PKHD1: variants seen among roughly 807,000 people sequenced by gnomAD.
The protein encoded by PKHD1 is PKHD1 ciliary IPT domain containing fibrocystin/polyductin.
PKHD1 carries 291 observed loss-of-function variants against 412.0 expected under a neutral mutation model. The observed-to-expected ratio is 0.71, with a 90% CI of 0.64 to 0.78. The LOEUF (loss-of-function observed/expected upper bound fraction) is 0.78. Ranked by LOEUF, PKHD1 falls within the 30% of genes least tolerant of loss-of-function variation. The pLI is 0.00. For synonymous variants in PKHD1, 1,777 were observed against 1,821.5 expected (o/e 0.98, Z 0.62); for missense variants, 4,825 against 4,950.7 (o/e 0.97, Z 0.76).
chr6:51,760,024 A>C (rs986225876), intron 55 of PKHD1, among the ~76,000 whole-genome samples: 41 of 152,128 alleles, frequency 2.7e-4, no homozygotes, highest in Admixed American at 3.9e-4. Flanking sequence ...TATGAAAAAA[A>C]ATCATCATCT....
chr6:51,951,207 A>C (rs1211631658), intron 36 of PKHD1, among the ~76,000 whole-genome samples: 2 of 152,296 alleles, frequency 1.3e-5, no homozygotes, highest in East Asian at 3.9e-4. Flanking sequence ...CTAGAAAACC[A>C]TGACTTATTT....
intron 25 of PKHD1, among the ~76,000 whole-genome samples, chr6:52,044,457 T>C (rs1805457186): frequency 6.6e-6 from 1 of 152,194 alleles, no homozygotes; most frequent in African/African-American, 2.4e-5. Flanking sequence ...ATTTTTTCCA[T>C]AAAGACAAAA....
In PKHD1 at chr6:52,058,595, C is replaced by T. The variant is rs1458077668; in HGVS notation, c.1240G>A (p.Val414Met). The change falls in exon 16 of 67, where the codon GTG becomes ATG. Residue 414 changes from valine to methionine, a missense_variant. Transcript: ENST00000371117. ...WSEEPRTKVK[V>M]ASISVGTADW... ...GCAGTGCCGACGCTGATGGAGGCCACTTTCACCTATGCCCAAATAAGCATA... is the reference window on the plus strand; with the variant it reads ...GCAGTGCCGACGCTGATGGAGGCCATTTTCACCTATGCCCAAATAAGCATA... 3.1e-6 allele frequency: 5 copies of T among 1,614,006 alleles called. No individual in the cohort carries two copies. The Admixed American group carries it at 8.3e-5, about 27-fold the overall frequency.
chr6:51,814,988 G>T, intron 52 of PKHD1, among the ~76,000 whole-genome samples: 1 of 152,112 alleles, frequency 6.6e-6, no homozygotes, highest in East Asian at 1.9e-4. Flanking sequence ...CAGACCACCA[G>T]GTCTTCCAGA....
chr6:51,685,264 G>A (rs1465711983), intron 60 of PKHD1, among the ~76,000 whole-genome samples: 5 of 151,788 alleles, frequency 3.3e-5, no homozygotes, highest in South Asian at 2.1e-4. Flanking sequence ...CTTCAACCTC[G>A]TTATTCTTAT....
At chr6:51,834,425 G>A (rs534633397) in intron 51 of PKHD1, among the ~76,000 whole-genome samples, 2 of 152,032 alleles carry the variant, frequency 1.3e-5, no homozygotes, top group South Asian at 2.1e-4. Context: ...CACTTAGTAC[G>A]GGTACATATT....
rs548987704 is a variant in PKHD1, at chr6:51,846,750, G to A, written c.8107+1025C>T. On this transcript the variant is annotated intron_variant, in intron 50 of 66. Coordinates refer to ENST00000371117, the MANE Select transcript of PKHD1 (RefSeq NM_138694.4). ...ACTTCAACCTCATGTTAATCTTGAC[G>A]TAAAACAGACACAGCCCACCCCTAG... Among the ~76,000 whole-genome samples, 5 of 152,180 alleles carry A rather than the reference G, an allele frequency of 3.3e-5. No individual in the cohort carries two copies. In the South Asian group the frequency reaches 6.2e-4, roughly 19 times the overall value.
chr6:51,782,501 G>T (rs1050848781), intron 53 of PKHD1, among the ~76,000 whole-genome samples: 6 of 152,110 alleles, frequency 3.9e-5, no homozygotes, highest in African/African-American at 1.4e-4. Flanking sequence ...GTTAAATGGA[G>T]CAAATGGTTA....
intron 60 of PKHD1, chr6:51,721,997 T>G: frequency 3.7e-6 from 6 of 1,613,660 alleles, no homozygotes; most frequent in Middle Eastern, 1.7e-4. Context: ...TATTCTGAAA[T>G]CTTCAAAGCC....
chr6:51,894,757 T>C (rs539915929), intron 43 of PKHD1, among the ~76,000 whole-genome samples: 2 of 152,312 alleles, frequency 1.3e-5, no homozygotes, highest in Admixed American at 1.3e-4. Context: ...GCCATCTTCT[T>C]CAAGTCTAAA....
At chr6:51,636,477 G>A (rs1425532095) in intron 64 of PKHD1, among the ~76,000 whole-genome samples, 1 of 152,000 alleles carries the variant, frequency 6.6e-6, no homozygotes, top group Non-Finnish European at 1.5e-5. Context: ...AGCCTGGGAG[G>A]TTGAGACTGC....
chr6:51,748,265 A>G lies in PKHD1; in HGVS notation c.9351T>C (p.Leu3117=). ...RGHKCSSCEL[L]WSDNVAHSSL... The stretch of plus-strand genomic sequence containing the variant: ...TTGAATGCGCCACATTGTCAGACCA[A>G]AGCAGTTCACAAGAGGAGCACTTGT... The change falls in exon 58 of 67, where the codon CTT becomes CTC. Residue 3117 remains leucine (L), a synonymous_variant. Coordinates refer to ENST00000371117, the MANE Select transcript of PKHD1 (RefSeq NM_138694.4). The G allele has an allele frequency of 6.2e-7, 1 of 1,614,064 alleles. No individual in the cohort carries two copies. The highest frequency in any genetic ancestry group is 8.5e-7 in the Non-Finnish European group (1 of 1,179,974).
chr6:51,981,802 C>T (rs1214275878), intron 35 of PKHD1, among the ~76,000 whole-genome samples: 3 of 133,790 alleles, frequency 2.2e-5, no homozygotes, highest in Admixed American at 1.5e-4. Flanking sequence ...TGAGGAGCCT[C>T]TCTGCCTGGC....
Position 51,943,681 on chromosome 6 carries a change from T to C in PKHD1, c.5909-9359A>G, listed in dbSNP as rs1398454234. ...CAATTCTTAATCCTTTAATACCTGC[T>C]TTTCTCCTTGTCTTATTCCATTCTT... On this transcript the variant is annotated intron_variant, in intron 36 of 66. Transcript: ENST00000371117. 1.3e-5 allele frequency among the ~76,000 whole-genome samples: 2 copies of C among 151,602 alleles called. 1 individual carries two copies. The highest frequency in any genetic ancestry group is 3.0e-5 in the Non-Finnish European group (2 of 67,760).
At chr6:51,634,666 A>C (rs1235837185) in intron 64 of PKHD1, among the ~76,000 whole-genome samples, 1 of 152,184 alleles carries the variant, frequency 6.6e-6, no homozygotes, top group Non-Finnish European at 1.5e-5. Context: ...TTGGATGTTT[A>C]TTTTCCATTG....
chr6:51,731,751 A>G (rs937038111), intron 60 of PKHD1, among the ~76,000 whole-genome samples: 4 of 152,190 alleles, frequency 2.6e-5, no homozygotes, highest in African/African-American at 9.6e-5. Context: ...AAAGGAAGAA[A>G]AATATCCATA....
intron 60 of PKHD1, among the ~76,000 whole-genome samples, chr6:51,705,082 T>C (rs573200744): frequency 6.6e-6 from 1 of 152,184 alleles, no homozygotes; most frequent in East Asian, 1.9e-4. Context: ...GTAGAGTATT[T>C]AATCAAATAA....
At chr6:51,836,335 G>A (rs2151548740) in intron 51 of PKHD1, 69 bp downstream of exon 51, 1 of 1,007,792 alleles carries the variant, frequency 9.9e-7, no homozygotes, top group Admixed American at 1.7e-5. Context: ...ATGACAAGGT[G>A]GAATTTGTAG....
intron 53 of PKHD1, among the ~76,000 whole-genome samples, chr6:51,788,702 C>G (rs2182504): frequency 0.59 from 89,030 of 151,692 alleles, 26,866 homozygotes; most frequent in East Asian, 0.83. Context: ...CTTTATGAGC[C>G]CTAGGGTATA....
Sources: gnomAD v4.1 joint callset for allele counts (sites outside exome capture counted in the v4.1 genomes callset) on GRCh38, gnomAD v4.1.1 for gene constraint, MANE v1.5 for transcripts, NCBI Gene and HGNC (gene_info 2026-07-23, HGNC 2026-07-21) for gene names.